CSMD1: variants seen among roughly 807,000 people sequenced by gnomAD.
CSMD1 encodes CUB and sushi domain-containing protein 1.
CSMD1 carries 213 observed loss-of-function variants against 417.5 expected under a neutral mutation model. That is an observed-to-expected ratio of 0.51 (90% CI 0.46 to 0.57). The LOEUF is 0.57. Among genes scored for constraint, CSMD1 ranks in the 20% least tolerant of loss-of-function variants. The pLI is 0.00. For synonymous variants in CSMD1, 2,862 were observed against 1,736.8 expected, an observed-to-expected ratio of 1.65 and a Z score of -16.11; for missense variants, 6,923 against 4,529.7, an observed-to-expected ratio of 1.53 and a Z score of -15.17.
intron 2 of CSMD1, among the ~76,000 whole-genome samples, chr8:4,566,790 T>G (rs1288084402): frequency 6.6e-6 from 1 of 152,042 alleles, no homozygotes; most frequent in Admixed American, 6.6e-5. Flanking sequence ...TAAAATCGTA[T>G]GTTTGTTTGC....
chr8:4,061,017 T>A (rs909286883), intron 3 of CSMD1, among the ~76,000 whole-genome samples: 1 of 152,174 alleles, frequency 6.6e-6, no homozygotes, highest in Admixed American at 6.5e-5. Context: ...AGAATTAATT[T>A]CACAATACCC....
chr8:4,593,301 G>A (rs535273301), intron 2 of CSMD1, among the ~76,000 whole-genome samples: 4 of 152,220 alleles, frequency 2.6e-5, no homozygotes, highest in African/African-American at 4.8e-5. Context: ...TCCTCTTTAC[G>A]CATACATAGC....
intron 2 of CSMD1, among the ~76,000 whole-genome samples, chr8:4,617,631 C>G (rs1403597343): frequency 1.3e-4 from 20 of 152,186 alleles, no homozygotes; most frequent in Non-Finnish European, 2.2e-4. Flanking sequence ...TGGAAATACT[C>G]TTCCCAGATC....
At chr8:3,157,171 C>G (rs1423112950) in intron 39 of CSMD1, among the ~76,000 whole-genome samples, 1 of 151,986 alleles carries the variant, frequency 6.6e-6, no homozygotes, top group African/African-American at 2.4e-5. Flanking sequence ...GCCTGAGCTA[C>G]AGGTAAAGGT....
chr8:3,325,915 G>T (rs1019440980), intron 23 of CSMD1, among the ~76,000 whole-genome samples: 21 of 152,110 alleles, frequency 1.4e-4, no homozygotes, highest in African/African-American at 5.1e-4. Flanking sequence ...AAAATATAAA[G>T]AATAATTCAT....
intron 2 of CSMD1, among the ~76,000 whole-genome samples, chr8:4,466,157 C>A (rs1341033730): frequency 1.3e-5 from 2 of 152,126 alleles, no homozygotes; most frequent in Non-Finnish European, 2.9e-5. Context: ...GTGAGAGAGT[C>A]TTACTCCGTG....
chr8:4,080,632 T>C (rs1800081803), intron 3 of CSMD1, among the ~76,000 whole-genome samples: 2 of 152,204 alleles, frequency 1.3e-5, no homozygotes, highest in South Asian at 2.1e-4. Flanking sequence ...AGCTAAATTT[T>C]ATCAGTTTTA....
intron 6 of CSMD1, among the ~76,000 whole-genome samples, chr8:3,740,100 A>G (rs1377277626): frequency 1.3e-5 from 2 of 152,028 alleles, no homozygotes; most frequent in Non-Finnish European, 2.9e-5. Context: ...CATTTTACAA[A>G]ATTTTATTTT....
intron 1 of CSMD1, among the ~76,000 whole-genome samples, chr8:4,935,985 C>G (rs1489383909): frequency 1.3e-5 from 2 of 152,164 alleles, no homozygotes; most frequent in African/African-American, 4.8e-5. Context: ...ATGGAAGAAT[C>G]AGCAAAAACA....
chr8:3,808,402 G>GT (rs762607961), intron 5 of CSMD1, among the ~76,000 whole-genome samples: 7 of 152,072 alleles, frequency 4.6e-5, no homozygotes, highest in East Asian at 3.9e-4. Context: ...GTGGTAAAAA[G>GT]TAAGTTTTAC....
chr8:3,345,060 G>A (rs1217493067), intron 22 of CSMD1, among the ~76,000 whole-genome samples: 3 of 152,200 alleles, frequency 2.0e-5, no homozygotes, highest in East Asian at 1.9e-4. Context: ...GGAAGGCCTT[G>A]GGCTACCCCG....
intron 5 of CSMD1, among the ~76,000 whole-genome samples, chr8:3,892,106 G>A (rs1373811003): frequency 6.6e-6 from 1 of 151,188 alleles, no homozygotes; most frequent in Non-Finnish European, 1.5e-5. Flanking sequence ...TATTCAGGCA[G>A]GACAGATACA....
At chr8:4,742,000 C>A (rs1278577047) in intron 1 of CSMD1, among the ~76,000 whole-genome samples, 1 of 73,726 alleles carries the variant, frequency 1.4e-5, no homozygotes, top group Non-Finnish European at 2.7e-5. Flanking sequence ...ACCACACCCA[C>A]TTTTTTTTTT....
In CSMD1 at chr8:4,981,165, C is replaced by A. The variant is rs1011109798; in HGVS notation, c.85+13167G>T. On this transcript the variant is annotated intron_variant, in intron 1 of 69. Transcript: ENST00000635120. ...ATCAAAATATAGATATTATTTGAAACGTTCAACTGAAAACGCTTTACCATG... is the reference window on the plus strand; with the variant it reads ...ATCAAAATATAGATATTATTTGAAAAGTTCAACTGAAAACGCTTTACCATG... 7.0e-5 allele frequency among the ~76,000 whole-genome samples: 6 copies of A among 85,366 alleles called. No individual in the cohort carries two copies. In the Middle Eastern group the frequency reaches 0.018, roughly 254 times the overall value. The allele number at this position is 85,366 out of a possible 152,430, so 56.0% of individuals were successfully genotyped here. A position where few individuals can be genotyped will look rare whatever the true frequency, so the allele number is the denominator to read the frequency against.
At chr8:4,615,464 A>G (rs1276016084) in intron 2 of CSMD1, among the ~76,000 whole-genome samples, 2 of 152,230 alleles carry the variant, frequency 1.3e-5, no homozygotes, top group Non-Finnish European at 2.9e-5. Context: ...TTCCTCATTG[A>G]TTAGGTCAAA....
At chr8:3,946,090 A>C (rs986834057) in intron 5 of CSMD1, among the ~76,000 whole-genome samples, 9 of 152,104 alleles carry the variant, frequency 5.9e-5, no homozygotes, top group African/African-American at 1.7e-4. Flanking sequence ...TGATCTGTGG[A>C]GGACTTTATC....
chr8:3,865,410 C>T (rs1316546636), intron 5 of CSMD1, among the ~76,000 whole-genome samples: 1 of 152,154 alleles, frequency 6.6e-6, no homozygotes, highest in Non-Finnish European at 1.5e-5. Context: ...CCTTGCACAG[C>T]TCTGCCTGCA....
At chr8:2,957,592 G>T in intron 63 of CSMD1, 104 bp downstream of exon 63, 1 of 792,202 alleles carries the variant, frequency 1.3e-6, no homozygotes, top group South Asian at 1.7e-5. Context: ...TTAGGATTAG[G>T]GAATTAAAAA....
intron 5 of CSMD1, among the ~76,000 whole-genome samples, chr8:3,909,631 T>A (rs932965426): frequency 6.6e-6 from 1 of 152,112 alleles, no homozygotes; most frequent in African/African-American, 2.4e-5. Context: ...AGCTTGTTTG[T>A]GCTGCAGGAA....
Sources: gnomAD v4.1 joint callset for allele counts (sites outside exome capture counted in the v4.1 genomes callset) on GRCh38, gnomAD v4.1.1 for gene constraint, MANE v1.5 for transcripts, NCBI Gene and HGNC (gene_info 2026-07-23, HGNC 2026-07-21) for gene names.